Variants in MICU2 observed in about 807,000 individuals in gnomAD.
MICU2 encodes the protein calcium uptake protein 2, mitochondrial.
Under a neutral mutation model 60.4 loss-of-function variants are expected in MICU2, and 64 were observed. The observed-to-expected ratio is 1.06, with a 90% confidence interval of 0.87 to 1.31. The LOEUF is 1.31. Among genes scored for constraint, MICU2 ranks in the 50% most tolerant of loss-of-function variants. MICU2 has a pLI of 0.00. For synonymous variants in MICU2, 201 were observed against 175.0 expected (o/e 1.15, Z -1.17); for missense variants, 569 against 531.0 (o/e 1.07, Z -0.70).
intron 9 of MICU2, among the ~76,000 whole-genome samples, chr13:21,499,369 G>T (rs1321315079): frequency 1.3e-5 from 2 of 151,420 alleles, no homozygotes; most frequent in Non-Finnish European, 2.9e-5. Context: ...CTAATGGGTT[G>T]TTAGGTAACT....
intron 1 of MICU2, among the ~76,000 whole-genome samples, chr13:21,602,576 G>A (rs904356916): frequency 2.0e-5 from 3 of 151,868 alleles, no homozygotes; most frequent in African/African-American, 7.3e-5. Context: ...TGAATCTAGG[G>A]GAGAGAAACT....
At chr13:21,597,432 T>C (rs978861880) in intron 1 of MICU2, among the ~76,000 whole-genome samples, 8 of 152,226 alleles carry the variant, frequency 5.3e-5, no homozygotes, top group Non-Finnish European at 1.2e-4. Context: ...ATTGGTTGTC[T>C]AATATTTCTA....
intron 2 of MICU2, among the ~76,000 whole-genome samples, chr13:21,540,337 A>C (rs1451553891): frequency 6.6e-6 from 1 of 152,150 alleles, no homozygotes; most frequent in Non-Finnish European, 1.5e-5. Flanking sequence ...TGATAGCCTC[A>C]AATCATTTTA....
chr13:21,587,369 TGTC>T (rs1472562430), intron 1 of MICU2, among the ~76,000 whole-genome samples: 1 of 152,368 alleles, frequency 6.6e-6, no homozygotes, highest in East Asian at 1.9e-4. Context: ...ACCTGACAGA[TGTC>T]TTCTTACCAA....
chr13:21,557,979 T>A (rs1887748991), intron 2 of MICU2, among the ~76,000 whole-genome samples: 1 of 152,226 alleles, frequency 6.6e-6, no homozygotes, highest in African/African-American at 2.4e-5. Context: ...GCAGTTTCTG[T>A]TACCTGCTTT....
chr13:21,565,003 T>C (rs936666009), intron 2 of MICU2, among the ~76,000 whole-genome samples: 7 of 152,206 alleles, frequency 4.6e-5, no homozygotes, highest in African/African-American at 1.7e-4. Flanking sequence ...AAGCTGACTC[T>C]ATGGATCTGC....
chr13:21,553,020 C>A (rs1364421836), intron 2 of MICU2, among the ~76,000 whole-genome samples: 3 of 152,100 alleles, frequency 2.0e-5, no homozygotes, highest in Admixed American at 6.6e-5. Context: ...TTACCTGGGG[C>A]AGTATGGCCA....
At chr13:21,518,616 T>C (rs143634500) in intron 6 of MICU2, among the ~76,000 whole-genome samples, 86 of 152,312 alleles carry the variant, frequency 5.6e-4, no homozygotes, top group African/African-American at 1.9e-3. Context: ...GAAAGGATTA[T>C]GGTAAATGCA....
chr13:21,603,320 A>C (rs547172427), intron 1 of MICU2, among the ~76,000 whole-genome samples: 3 of 152,134 alleles, frequency 2.0e-5, no homozygotes, highest in Non-Finnish European at 2.9e-5. Flanking sequence ...TTTTGCTTAG[A>C]ACTTATGGTC....
chr13:21,563,226 T>C (rs928088186), intron 2 of MICU2, among the ~76,000 whole-genome samples: 7 of 151,890 alleles, frequency 4.6e-5, no homozygotes, highest in African/African-American at 1.7e-4. Context: ...GAGGCCAAGG[T>C]GGGCGGATCA....
At chr13:21,514,614 A>G (rs1886519900) in intron 6 of MICU2, among the ~76,000 whole-genome samples, 196 bp from the exon 7 acceptor site, 1 of 151,998 alleles carries the variant, frequency 6.6e-6, no homozygotes, top group Admixed American at 6.6e-5. Context: ...GCTTACTGCA[A>G]GTTTCGCCCC....
intron 1 of MICU2, chr13:21,602,779 A>G (rs1888854157): frequency 6.6e-6 from 1 of 152,134 alleles, no homozygotes; most frequent in South Asian, 2.1e-4. Context: ...TTGTATCTGA[A>G]TGTTCCTTGA....
At chr13:21,588,048 C>A (rs939504295) in intron 1 of MICU2, among the ~76,000 whole-genome samples, 11 of 152,118 alleles carry the variant, frequency 7.2e-5, no homozygotes, top group African/African-American at 2.7e-4. Context: ...CAGTGTCAAC[C>A]AGGAGTCTTG....
In MICU2 at chr13:21,493,348, T is replaced by C. The variant is rs756816682; in HGVS notation, c.1206A>G (p.Pro402=). 3 of 1,600,066 alleles carry C rather than the reference T, an allele frequency of 1.9e-6. No individual in the cohort carries two copies. Among genetic ancestry groups the C allele is most frequent in the Non-Finnish European group, 2.6e-6 (3 of 1,174,976 alleles). The change falls in exon 12 of 12, where the codon CCA becomes CCG. Residue 402 remains proline (P), a synonymous_variant. Coordinates refer to ENST00000382374, the MANE Select transcript of MICU2 (RefSeq NM_152726.3). ...KNRMHRGLWV[P]QHQSIQEYWK... is the part of the protein sequence containing the mutation. ...AGTATTCTTGTATACTCTGATGTTGTGGTACCTGTTAACCGAAAGTAAAAA... is the reference window on the plus strand; with the variant it reads ...AGTATTCTTGTATACTCTGATGTTGCGGTACCTGTTAACCGAAAGTAAAAA...
intron 1 of MICU2, among the ~76,000 whole-genome samples, chr13:21,574,404 G>A (rs1342341121): frequency 2.0e-5 from 3 of 152,194 alleles, no homozygotes; most frequent in Non-Finnish European, 4.4e-5. Context: ...TACTTGTAAT[G>A]CAGTAAAAAA....
chr13:21,512,761 T>C (rs991991498), intron 7 of MICU2, among the ~76,000 whole-genome samples: 7 of 152,224 alleles, frequency 4.6e-5, no homozygotes, highest in Non-Finnish European at 8.8e-5. Flanking sequence ...CTTTTTCTTC[T>C]GTTGCTTGTG....
At chr13:21,549,808 T>C (rs985751046) in intron 2 of MICU2, among the ~76,000 whole-genome samples, 3 of 152,224 alleles carry the variant, frequency 2.0e-5, no homozygotes, top group Non-Finnish European at 4.4e-5. Context: ...CTGAACAGAC[T>C]TACTTTAACT....
intron 2 of MICU2, among the ~76,000 whole-genome samples, chr13:21,562,281 C>T (rs572239434): frequency 3.3e-5 from 5 of 152,196 alleles, no homozygotes; most frequent in South Asian, 2.1e-4. Context: ...TCTGAGGAGT[C>T]GCCACACTGA....
intron 2 of MICU2, among the ~76,000 whole-genome samples, chr13:21,545,909 AC>A (rs1887406399): frequency 6.6e-6 from 1 of 152,242 alleles, no homozygotes; most frequent in Non-Finnish European, 1.5e-5. Flanking sequence ...TGTTCTCAAC[AC>A]AAAGAAATGA....
Sources: allele counts gnomAD v4.1 joint callset (sites outside exome capture counted in the v4.1 genomes callset), GRCh38; gene constraint gnomAD v4.1.1; transcripts MANE v1.5; gene names NCBI Gene and HGNC (gene_info 2026-07-23, HGNC 2026-07-21).